The following PLB1 variants were observed in gnomAD, a reference collection of about 807,000 sequenced individuals.
The protein encoded by PLB1 is phospholipase B1.
A neutral mutation model predicts 227.4 loss-of-function variants in PLB1; 242 were observed. That is an observed-to-expected ratio of 1.06 (90% CI 0.96 to 1.18). The LOEUF (loss-of-function observed/expected upper bound fraction) is 1.18. Ranked by LOEUF, PLB1 falls within the 50% of genes most tolerant of loss-of-function variation. The pLI, the probability that PLB1 is intolerant of heterozygous loss-of-function variation, is 0.00. For synonymous variants in PLB1, 757 were observed against 682.2 expected, an observed-to-expected ratio of 1.11 and a Z score of -1.71; for missense variants, 1,858 against 1,816.3, an observed-to-expected ratio of 1.02 and a Z score of -0.42.
intron 21 of PLB1, among the ~76,000 whole-genome samples, chr2:28,573,837 C>T (rs1480067771): frequency 6.6e-6 from 1 of 152,218 alleles, no homozygotes; most frequent in Non-Finnish European, 1.5e-5. Context: ...AGTCATGAAG[C>T]TCAAATGCCA....
At chr2:28,557,034 G>T (rs1228356337) in intron 17 of PLB1, among the ~76,000 whole-genome samples, 1 of 151,648 alleles carries the variant, frequency 6.6e-6, no homozygotes, top group African/African-American at 2.4e-5. Flanking sequence ...CCGTCTCTGT[G>T]GTCACCACCT....
chr2:28,621,005 A>G (rs781660931), intron 49 of PLB1, 27 bp downstream of exon 49: 3 of 1,564,060 alleles, frequency 1.9e-6, no homozygotes, highest in Non-Finnish European at 2.6e-6. Flanking sequence ...CAGGAGGGCG[A>G]GTGGAAGGCA....
chr2:28,560,515 A>G (rs1418850593), intron 17 of PLB1, among the ~76,000 whole-genome samples: 1 of 152,210 alleles, frequency 6.6e-6, no homozygotes, highest in Non-Finnish European at 1.5e-5. Flanking sequence ...AGCCAGGCAT[A>G]AAAGCTTATA....
intron 31 of PLB1, among the ~76,000 whole-genome samples, chr2:28,592,398 T>C (rs1682116251): frequency 1.4e-5 from 2 of 147,176 alleles, no homozygotes; most frequent in Admixed American, 1.3e-4. Flanking sequence ...CCTCCATCTC[T>C]CCTTCTCCCT....
At chr2:28,631,797 G>A (rs1023427279) in intron 54 of PLB1, among the ~76,000 whole-genome samples, 5 of 152,360 alleles carry the variant, frequency 3.3e-5, no homozygotes, top group Admixed American at 1.3e-4. Context: ...TCTCCCACCA[G>A]GAGCCGCTGG....
At chr2:28,546,013 C>G (rs114209647) in intron 14 of PLB1, among the ~76,000 whole-genome samples, 90 of 152,304 alleles carry the variant, frequency 5.9e-4, no homozygotes, top group African/African-American at 2.1e-3. Context: ...CCTCCCTCAT[C>G]CTCCAAGCCC....
At position 28,604,003 on chromosome 2, in the gene PLB1, T is replaced by C; in HGVS notation, c.2812T>C (p.Ser938Pro). 1 of 1,614,204 alleles carries C rather than the reference T, an allele frequency of 6.2e-7. No individual in the cohort carries two copies. Among genetic ancestry groups the C allele is most frequent in the East Asian group, 2.2e-5 (1 of 44,882 alleles). Residue 938 changes from serine (S) to proline (P), a missense_variant, in exon 40 of 58, where the codon TCC (serine) becomes CCC (proline). Transcript: ENST00000327757. The stretch of plus-strand genomic sequence containing the variant: ...CTGCGTTCTGACCCTGCGGGAGAAC[T>C]CCCAAGAGCTAGCCAGGCTGGAGGC... ...CNCVLTLRENSQELARLEAFS... is the reference protein window; with the variant it reads ...CNCVLTLRENPQELARLEAFS...
At chr2:28,548,838 T>C (rs767253157) in intron 14 of PLB1, 22 bp from the exon 15 acceptor site, 3 of 1,613,820 alleles carry the variant, frequency 1.9e-6, no homozygotes, top group South Asian at 2.2e-5. Context: ...TTCCCTGTTC[T>C]AAAGCCCACG....
At chr2:28,574,272 G>A (rs1678509877) in intron 21 of PLB1, among the ~76,000 whole-genome samples, 1 of 151,514 alleles carries the variant, frequency 6.6e-6, no homozygotes, top group Non-Finnish European at 1.5e-5. Context: ...TGATTTCTGA[G>A]ATTTTGGTGT....
intron 49 of PLB1, 56 bp from the exon 50 acceptor site, chr2:28,625,001 C>A: frequency 6.5e-7 from 1 of 1,528,424 alleles, no homozygotes; most frequent in Non-Finnish European, 9.1e-7. Context: ...AATCCCATGT[C>A]GTGAGTCCTC....
At chr2:28,509,870 C>A (rs1053946327) in intron 1 of PLB1, among the ~76,000 whole-genome samples, 1 of 152,140 alleles carries the variant, frequency 6.6e-6, no homozygotes, top group East Asian at 1.9e-4. Flanking sequence ...AGGCACTGTA[C>A]CTGGTGAAAG....
intron 4 of PLB1, 120 bp from the exon 5 acceptor site, chr2:28,525,147 G>A: frequency 2.3e-6 from 2 of 868,328 alleles, no homozygotes; most frequent in South Asian, 3.1e-5. Flanking sequence ...CACCAAGCCT[G>A]GGCTTGTAGG....
At position 28,496,110 on chromosome 2, in the gene PLB1, C is replaced by T. The variant is rs1450371774; in HGVS notation, c.-5C>T. On this transcript the variant is annotated 5_prime_UTR_variant, in exon 1 of 58. Coordinates refer to ENST00000327757, the MANE Select transcript of PLB1 (RefSeq NM_153021.5). ...AGAGGCCCGAGTCACCTGGAGCATT[C>T]TGGCATGGGGCTGCGGCCAGGCATT... The T allele has an allele frequency of 6.2e-7, 1 of 1,614,076 alleles. No individual in the cohort carries two copies. The highest frequency in any genetic ancestry group is 8.5e-7 in the Non-Finnish European group (1 of 1,179,974).
chr2:28,496,901 A>G (rs1666515460), intron 1 of PLB1, among the ~76,000 whole-genome samples: 1 of 152,200 alleles, frequency 6.6e-6, no homozygotes, highest in Non-Finnish European at 1.5e-5. Flanking sequence ...GTGAGAAGGC[A>G]CTTGCCCTTG....
At chr2:28,621,002 G>A (rs1686974810) in intron 49 of PLB1, 24 bp downstream of exon 49, 1 of 1,574,740 alleles carries the variant, frequency 6.4e-7, no homozygotes, top group African/African-American at 1.4e-5. Flanking sequence ...GTACAGGAGG[G>A]CGAGTGGAAG....
At chr2:28,621,843 T>G (rs2148328457) in intron 49 of PLB1, among the ~76,000 whole-genome samples, 2 of 150,676 alleles carry the variant, frequency 1.3e-5, no homozygotes, top group East Asian at 3.9e-4. Flanking sequence ...TAGCAACATC[T>G]AATTACTGTT....
chr2:28,562,926 G>T, intron 17 of PLB1, 115 bp from the exon 18 acceptor site: 1 of 1,012,940 alleles, frequency 9.9e-7, no homozygotes, highest in Non-Finnish European at 1.5e-6. Flanking sequence ...TGTCTTGGTG[G>T]TAAAAACTGA....
intron 43 of PLB1, among the ~76,000 whole-genome samples, chr2:28,612,496 G>A (rs1397355097): frequency 1.3e-5 from 2 of 152,144 alleles, no homozygotes; most frequent in African/African-American, 2.4e-5. Flanking sequence ...CATCTATAAA[G>A]TGGGGCATTT....
rs151120274 is a variant in PLB1, at chr2:28,598,761, G to A, written c.2474+1G>A. The A allele has an allele frequency of 4.3e-6, 7 of 1,611,528 alleles. No homozygotes were observed. In the African/African-American group the frequency reaches 6.7e-5, roughly 15 times the overall value. ...AAGCTGTTCCCGGAGCAAAGGCTGAGTATGGCATTTGGGGAGGGAGGGAGC... is the reference window on the plus strand; with the variant it reads ...AAGCTGTTCCCGGAGCAAAGGCTGAATATGGCATTTGGGGAGGGAGGGAGC... On this transcript the variant is annotated splice_donor_variant, in intron 35 of 57. Transcript: ENST00000327757. LOFTEE classifies it high-confidence loss of function.
Sources: allele counts gnomAD v4.1 joint callset (sites outside exome capture counted in the v4.1 genomes callset), GRCh38; gene constraint gnomAD v4.1.1; transcripts MANE v1.5; gene names NCBI Gene and HGNC (gene_info 2026-07-23, HGNC 2026-07-21).